IGF1R: variants seen among roughly 807,000 people sequenced by gnomAD.
IGF1R encodes insulin like growth factor 1 receptor, also known as insulin-like growth factor 1 receptor.
IGF1R carries 44 observed loss-of-function variants against 144.6 expected under a neutral mutation model. The ratio of observed to expected loss-of-function variants is 0.30; its 90% confidence interval spans 0.24 to 0.39. IGF1R has a LOEUF of 0.39. Among genes scored for constraint, IGF1R ranks in the 10% least tolerant of loss-of-function variants. The pLI, the probability that IGF1R is intolerant of heterozygous loss-of-function variation, is 1.00. For synonymous variants in IGF1R, 795 were observed against 722.8 expected (o/e 1.10, Z -1.60); for missense variants, 1,355 against 1,833.7 (o/e 0.74, Z 4.77).
intron 2 of IGF1R, among the ~76,000 whole-genome samples, chr15:98,727,800 A>AG (rs1193307068): frequency 6.6e-6 from 1 of 152,142 alleles, no homozygotes; most frequent in Non-Finnish European, 1.5e-5. Context: ...TGGCGGCGGC[A>AG]GAAGGACTGG....
At chr15:98,873,061 A>G (rs1048102675) in intron 2 of IGF1R, among the ~76,000 whole-genome samples, 1 of 152,154 alleles carries the variant, frequency 6.6e-6, no homozygotes, top group African/African-American at 2.4e-5. Context: ...CCCTGAAGGC[A>G]AGCCAAGGAT....
At chr15:98,763,531 C>T (rs1230593640) in intron 2 of IGF1R, among the ~76,000 whole-genome samples, 1 of 151,680 alleles carries the variant, frequency 6.6e-6, no homozygotes, top group Non-Finnish European at 1.5e-5. Context: ...GCCTTGTTCA[C>T]CTCCCCACCC....
At chr15:98,910,958 C>G (rs150683047) in intron 6 of IGF1R, among the ~76,000 whole-genome samples, 72 of 152,342 alleles carry the variant, frequency 4.7e-4, no homozygotes, top group Non-Finnish European at 7.2e-4. Flanking sequence ...CTCACCTTCA[C>G]CCTACCAGGC....
chr15:98,875,925 C>T (rs1486214017), intron 2 of IGF1R, among the ~76,000 whole-genome samples: 1 of 152,096 alleles, frequency 6.6e-6, no homozygotes, highest in Non-Finnish European at 1.5e-5. Context: ...AAGGGAAAGC[C>T]CTTGAATTTT....
intron 2 of IGF1R, among the ~76,000 whole-genome samples, chr15:98,728,325 G>A (rs887319470): frequency 2.6e-5 from 4 of 152,044 alleles, no homozygotes; most frequent in Non-Finnish European, 5.9e-5. Flanking sequence ...GAGAATGGTC[G>A]GGTTGTCTAG....
chr15:98,651,154 A>G (rs1225198927), intron 1 of IGF1R: 2 of 758,980 alleles, frequency 2.6e-6, no homozygotes, highest in African/African-American at 1.9e-5. Flanking sequence ...AGCCTTCACG[A>G]GTGAGGCGGG....
At chr15:98,906,122 G>T (rs1046820408) in intron 5 of IGF1R, among the ~76,000 whole-genome samples, 5 of 147,148 alleles carry the variant, frequency 3.4e-5, no homozygotes, top group Admixed American at 6.9e-5. Context: ...TTTTCAAAGT[G>T]ATTAGTCAAA....
At chr15:98,894,025 T>C (rs1356466164) in intron 3 of IGF1R, among the ~76,000 whole-genome samples, 3 of 152,224 alleles carry the variant, frequency 2.0e-5, no homozygotes, top group Non-Finnish European at 4.4e-5. Flanking sequence ...ATTTTTTAAG[T>C]GCTTGATGAC....
At chr15:98,763,738 C>T (rs1434776416) in intron 2 of IGF1R, among the ~76,000 whole-genome samples, 1 of 152,136 alleles carries the variant, frequency 6.6e-6, no homozygotes, top group East Asian at 1.9e-4. Flanking sequence ...ATTTTGAATG[C>T]TTAGACTGGA....
At chr15:98,649,771 G>T (rs2052303526) in intron 1 of IGF1R, 96 bp downstream of exon 1, 7 of 939,598 alleles carry the variant, frequency 7.4e-6, no homozygotes, top group South Asian at 1.4e-5. Flanking sequence ...CGTCGCAGCT[G>T]TCGGGCCCCC....
chr15:98,715,147 T>C (rs1337192171), intron 2 of IGF1R, among the ~76,000 whole-genome samples: 1 of 152,210 alleles, frequency 6.6e-6, no homozygotes, highest in East Asian at 1.9e-4. Flanking sequence ...ATGCCTTTTA[T>C]AGTCAGGCGT....
At chr15:98,868,879 C>T (rs147830093) in intron 2 of IGF1R, among the ~76,000 whole-genome samples, 192 of 152,306 alleles carry the variant, frequency 1.3e-3, no homozygotes, top group African/African-American at 4.6e-3. Flanking sequence ...GCAGCTCTGA[C>T]TCATCTCACA....
intron 2 of IGF1R, among the ~76,000 whole-genome samples, chr15:98,730,843 T>C (rs924036658): frequency 6.6e-6 from 1 of 152,216 alleles, no homozygotes; most frequent in African/African-American, 2.4e-5. Flanking sequence ...TTCATATTTT[T>C]CCTTGAATGC....
At chr15:98,828,697 C>T (rs1034459991) in intron 2 of IGF1R, among the ~76,000 whole-genome samples, 7 of 151,180 alleles carry the variant, frequency 4.6e-5, no homozygotes, top group African/African-American at 1.7e-4. Context: ...AGACATGAGG[C>T]GGACTTACTA....
intron 2 of IGF1R, among the ~76,000 whole-genome samples, chr15:98,878,663 CAAAAAAA>C (rs138285597): frequency 9.8e-4 from 57 of 57,894 alleles, no homozygotes; most frequent in African/African-American, 5.6e-3. Context: ...GTGAAAGACT[CAAAAAAA>C]AAAAAAAAAA....
At chr15:98,677,953 C>T (rs1240567607) in intron 1 of IGF1R, among the ~76,000 whole-genome samples, 1 of 152,192 alleles carries the variant, frequency 6.6e-6, no homozygotes, top group Admixed American at 6.5e-5. Flanking sequence ...ATGTTGATTA[C>T]AGGCATATTT....
At chr15:98,678,830 A>G (rs2053114173) in intron 1 of IGF1R, among the ~76,000 whole-genome samples, 1 of 150,912 alleles carries the variant, frequency 6.6e-6, no homozygotes, top group Non-Finnish European at 1.5e-5. Flanking sequence ...TGGCGTAAAA[A>G]GATGGTTAGT....
chr15:98,947,382 C>T (rs2016592726), intron 19 of IGF1R, among the ~76,000 whole-genome samples: 2 of 152,180 alleles, frequency 1.3e-5, no homozygotes, highest in Admixed American at 1.3e-4. Context: ...CCCAAGAGCT[C>T]TTGGTTGGAA....
intron 2 of IGF1R, among the ~76,000 whole-genome samples, chr15:98,840,558 T>TC (rs1166830881): frequency 6.6e-6 from 1 of 152,176 alleles, no homozygotes; most frequent in Non-Finnish European, 1.5e-5. Flanking sequence ...CATGCAGTCC[T>TC]CCTGCCTCAG....
Sources: allele counts gnomAD v4.1 joint callset (sites outside exome capture counted in the v4.1 genomes callset), GRCh38; gene constraint gnomAD v4.1.1; transcripts MANE v1.5; gene names NCBI Gene and HGNC (gene_info 2026-07-23, HGNC 2026-07-21).